The following GLDC variants were observed in gnomAD, a reference collection of about 807,000 sequenced individuals.
The protein encoded by GLDC is glycine dehydrogenase (decarboxylating), mitochondrial.
A neutral mutation model predicts 121.3 loss-of-function variants in GLDC; 104 were observed. The observed-to-expected ratio is 0.86, with a 90% CI of 0.73 to 1.01. The LOEUF is 1.01. GLDC is among the 50% of genes least tolerant of loss of function. The pLI, the probability that GLDC is intolerant of heterozygous loss-of-function variation, is 0.00. For synonymous variants in GLDC, 546 were observed against 480.6 expected, an observed-to-expected ratio of 1.14 and a Z score of -1.78; for missense variants, 1,429 against 1,306.6, an observed-to-expected ratio of 1.09 and a Z score of -1.44.
Position 6,592,148 on chromosome 9 carries a change from A to G in GLDC, c.1477T>C (p.Ser493Pro). 1 of 1,582,324 alleles carries G rather than the reference A, an allele frequency of 6.3e-7. No individual in the cohort carries two copies. Among genetic ancestry groups the G allele is most frequent in the South Asian group, 1.1e-5 (1 of 90,420 alleles). ...CATGTTTTTATTTTACTTACTGCAG[A>G]TGACTCACAACCAAAGATCCACAAC... is the stretch of plus-strand genomic sequence containing the variant. ...DLLWIFGCES[S>P]AELVAESMGE... Residue 493 changes from serine to proline, a missense_variant, in exon 11 of 25, where the codon TCT becomes CCT. Coordinates refer to ENST00000321612, the MANE Select transcript of GLDC (RefSeq NM_000170.3).
intron 23 of GLDC, among the ~76,000 whole-genome samples, chr9:6,535,013 C>T (rs1327041350): frequency 6.6e-6 from 1 of 152,158 alleles, no homozygotes; most frequent in Non-Finnish European, 1.5e-5. Context: ...GTCTAATGAG[C>T]ATTCTGTCAT....
At chr9:6,613,552 C>CA (rs1818904409) in intron 3 of GLDC, among the ~76,000 whole-genome samples, 1 of 152,188 alleles carries the variant, frequency 6.6e-6, no homozygotes, top group Middle Eastern at 3.4e-3. Context: ...AAATACTATT[C>CA]AAAAACATGA....
chr9:6,624,563 C>G (rs1819192060), intron 2 of GLDC, among the ~76,000 whole-genome samples: 1 of 152,110 alleles, frequency 6.6e-6, no homozygotes, highest in South Asian at 2.1e-4. Flanking sequence ...TGAACAGGTT[C>G]CTGTTGTTTT....
chr9:6,598,171 G>A (rs947877661), intron 8 of GLDC, among the ~76,000 whole-genome samples: 1 of 152,102 alleles, frequency 6.6e-6, no homozygotes, highest in Non-Finnish European at 1.5e-5. Context: ...TGGGATACTG[G>A]TGTGTACCAC....
intron 16 of GLDC, among the ~76,000 whole-genome samples, chr9:6,561,048 T>A (rs1213554131): frequency 6.6e-6 from 1 of 152,154 alleles, no homozygotes; most frequent in African/African-American, 2.4e-5. Flanking sequence ...CTCCCCTGTC[T>A]CCCCCAGAAG....
intron 18 of GLDC, among the ~76,000 whole-genome samples, chr9:6,555,474 G>GAA (rs113353694): frequency 2.7e-5 from 4 of 148,706 alleles, no homozygotes; most frequent in South Asian, 2.1e-4. Context: ...AAAATGGTAG[G>GAA]AAAAAAAAAA....
chr9:6,565,056 A>G (rs1817828242), intron 16 of GLDC, among the ~76,000 whole-genome samples: 1 of 152,204 alleles, frequency 6.6e-6, no homozygotes, highest in Non-Finnish European at 1.5e-5. Flanking sequence ...CAATGGCAAC[A>G]TTCCTGCCCT....
chr9:6,596,900 G>C lies in GLDC; in HGVS notation c.1156-1781C>G, dbSNP rs377397875. On this transcript the variant is annotated intron_variant, in intron 8 of 24. Coordinates refer to ENST00000321612, the MANE Select transcript of GLDC (RefSeq NM_000170.3). ...TTCACTGCTAGGAATATAACCAAAA[G>C]AACTGAAAACATTACATCCATACAA... Among the ~76,000 whole-genome samples, 21 of 152,292 alleles carry C rather than the reference G, an allele frequency of 1.4e-4. No individual in the cohort carries two copies. In the East Asian group the frequency reaches 2.7e-3, roughly 20 times the overall value.
At chr9:6,574,393 G>A (rs1310633962) in intron 15 of GLDC, among the ~76,000 whole-genome samples, 1 of 151,762 alleles carries the variant, frequency 6.6e-6, no homozygotes, top group Admixed American at 6.6e-5. Context: ...CTTGAACCTG[G>A]GAGGTGGAGG....
intron 2 of GLDC, among the ~76,000 whole-genome samples, chr9:6,630,640 G>C (rs1328275933): frequency 6.6e-6 from 1 of 152,144 alleles, no homozygotes; most frequent in African/African-American, 2.4e-5. Flanking sequence ...GAGACTGCCT[G>C]GGCAGATTGT....
rs949553434 is a variant in GLDC, at chr9:6,533,160, G to A, written c.2920C>T (p.Pro974Ser). Residue 974 changes from proline to serine, a missense_variant and splice_region_variant, in exon 25 of 25, where the codon CCC becomes TCC. Transcript: ENST00000321612. ...YSREVAAFPL[P>S]FVKPENKFWP... ...AATTTGTTCTCTGGTTTCACGAAGG[G>A]CTGCAAAGGACAAAAGATGGAAATG... The A allele has an allele frequency of 3.1e-6, 5 of 1,613,444 alleles. No individual in the cohort carries two copies. The highest frequency in any genetic ancestry group is 2.2e-5 in the East Asian group (1 of 44,874).
chr9:6,643,910 T>A (rs984935017), intron 2 of GLDC, among the ~76,000 whole-genome samples: 6 of 150,164 alleles, frequency 4.0e-5, no homozygotes, highest in African/African-American at 1.5e-4. Context: ...GGTGCGCCCC[T>A]GTAATCCCAG....
chr9:6,619,453 C>T (rs984961680), intron 3 of GLDC, among the ~76,000 whole-genome samples: 3 of 152,020 alleles, frequency 2.0e-5, no homozygotes, highest in African/African-American at 7.2e-5. Context: ...AAGGGCCAGG[C>T]GCAGTGGCTC....
intron 15 of GLDC, among the ~76,000 whole-genome samples, chr9:6,579,945 G>T (rs1257426928): frequency 6.6e-6 from 1 of 152,204 alleles, no homozygotes; most frequent in Non-Finnish European, 1.5e-5. Context: ...TTCAGCAGCA[G>T]AACCAGTCTG....
Position 6,621,780 on chromosome 9 carries a change from T to G in GLDC, c.335-1461A>C, listed in dbSNP as rs182203666. 3.0e-4 allele frequency among the ~76,000 whole-genome samples: 45 copies of G among 152,306 alleles called. 1 individual carries two copies. The highest frequency in any genetic ancestry group is 3.4e-3 in the Middle Eastern group (1 of 294). Reference sequence around the variant, plus strand: ...ATCCGCCCACCTCAGCCTCCCAAAGTGCTGGGATTACAGGCGTGAGCCACC... The same window carrying G: ...ATCCGCCCACCTCAGCCTCCCAAAGGGCTGGGATTACAGGCGTGAGCCACC... On this transcript the variant is annotated intron_variant, in intron 2 of 24. Coordinates refer to ENST00000321612, the MANE Select transcript of GLDC (RefSeq NM_000170.3).
At chr9:6,546,703 T>C (rs1394287033) in intron 21 of GLDC, among the ~76,000 whole-genome samples, 3 of 151,956 alleles carry the variant, frequency 2.0e-5, no homozygotes, top group Non-Finnish European at 4.4e-5. Flanking sequence ...GGCTCACGCC[T>C]GTAATCCCAG....
At chr9:6,583,352 C>T (rs1046049220) in intron 15 of GLDC, among the ~76,000 whole-genome samples, 1 of 152,060 alleles carries the variant, frequency 6.6e-6, no homozygotes, top group African/African-American at 2.4e-5. Flanking sequence ...ACAAAATGTG[C>T]TATATATATG....
chr9:6,617,670 C>A (rs560750709), intron 3 of GLDC, among the ~76,000 whole-genome samples: 2 of 152,286 alleles, frequency 1.3e-5, no homozygotes, highest in South Asian at 4.1e-4. Context: ...GAGTTATGTA[C>A]AGGGACAGCA....
intron 8 of GLDC, 62 bp from the exon 9 acceptor site, chr9:6,595,181 T>A: frequency 1.8e-6 from 2 of 1,081,968 alleles, no homozygotes; most frequent in Non-Finnish European, 2.9e-6. Flanking sequence ...AGGGTGTAAT[T>A]ACTTGACTTG....
Sources: allele counts gnomAD v4.1 joint callset (sites outside exome capture counted in the v4.1 genomes callset), GRCh38; gene constraint gnomAD v4.1.1; transcripts MANE v1.5; gene names NCBI Gene and HGNC (gene_info 2026-07-23, HGNC 2026-07-21).